The following PRORP variants were observed in gnomAD, a reference collection of about 807,000 sequenced individuals.
PRORP encodes mitochondrial ribonuclease P catalytic subunit.
A neutral mutation model predicts 59.4 loss-of-function variants in PRORP; 51 were observed. The ratio of observed to expected loss-of-function variants is 0.86; its 90% CI spans 0.69 to 1.08. PRORP has a LOEUF of 1.08. Among genes scored for constraint, PRORP ranks in the 50% least tolerant of loss-of-function variants. The pLI, the probability that PRORP is intolerant of heterozygous loss-of-function variation, is 0.00. For missense variants in PRORP, 646 were observed against 690.3 expected, an observed-to-expected ratio of 0.94 and a Z score of 0.72; for synonymous variants, 231 against 245.6, an observed-to-expected ratio of 0.94 and a Z score of 0.55.
chr14:35,160,530 A>T (rs1002423160), intron 4 of PRORP, among the ~76,000 whole-genome samples: 3 of 152,108 alleles, frequency 2.0e-5, no homozygotes, highest in African/African-American at 4.8e-5. Context: ...TTCTTTTTTT[A>T]AAAAATTAGC....
intron 5 of PRORP, among the ~76,000 whole-genome samples, chr14:35,246,077 G>T (rs1021695910): frequency 6.6e-6 from 1 of 152,026 alleles, no homozygotes; most frequent in Non-Finnish European, 1.5e-5. Context: ...AGACATTCTG[G>T]CTCCTTATCT....
intron 5 of PRORP, among the ~76,000 whole-genome samples, chr14:35,264,697 C>T (rs1451734024): frequency 1.3e-5 from 2 of 152,180 alleles, no homozygotes; most frequent in Non-Finnish European, 2.9e-5. Context: ...TAAAATTCAG[C>T]TGGCCAGGCA....
intron 5 of PRORP, among the ~76,000 whole-genome samples, chr14:35,186,631 T>C (rs1397384470): frequency 6.6e-6 from 1 of 151,870 alleles, no homozygotes; most frequent in Non-Finnish European, 1.5e-5. Context: ...GTACTTGTGT[T>C]GCCCAAGCTG....
intron 4 of PRORP, among the ~76,000 whole-genome samples, chr14:35,135,102 A>C (rs1363251345): frequency 6.6e-6 from 1 of 151,808 alleles, no homozygotes; most frequent in African/African-American, 2.4e-5. Flanking sequence ...CAATTGCTGC[A>C]CTCTCCCTCT....
chr14:35,192,681 C>T (rs1180032576), intron 5 of PRORP, among the ~76,000 whole-genome samples: 5 of 152,096 alleles, frequency 3.3e-5, no homozygotes, highest in Non-Finnish European at 7.4e-5. Flanking sequence ...AGTATAATAA[C>T]TTTCCATTAA....
chr14:35,150,732 G>A (rs1172472365), intron 4 of PRORP, among the ~76,000 whole-genome samples: 1 of 152,134 alleles, frequency 6.6e-6, no homozygotes, highest in Non-Finnish European at 1.5e-5. Flanking sequence ...AAAATTATGT[G>A]TGGCTATGGG....
intron 4 of PRORP, among the ~76,000 whole-genome samples, chr14:35,162,882 C>A (rs1032614143): frequency 3.3e-5 from 5 of 152,080 alleles, no homozygotes; most frequent in Admixed American, 3.3e-4. Context: ...ATTTAACAAC[C>A]CATATTTTAC....
At chr14:35,146,853 G>T (rs965034294) in intron 4 of PRORP, among the ~76,000 whole-genome samples, 1 of 152,106 alleles carries the variant, frequency 6.6e-6, no homozygotes, top group East Asian at 1.9e-4. Context: ...CAGTGCTTTG[G>T]GGCCCAGGCA....
At chr14:35,133,111 G>A (rs576303476) in intron 4 of PRORP, among the ~76,000 whole-genome samples, 1 of 151,948 alleles carries the variant, frequency 6.6e-6, no homozygotes, top group South Asian at 2.1e-4. Flanking sequence ...TAGTAGAGAT[G>A]GGGTTTCACC....
intron 5 of PRORP, among the ~76,000 whole-genome samples, chr14:35,231,583 A>G (rs1050057170): frequency 2.0e-5 from 3 of 152,234 alleles, no homozygotes; most frequent in Non-Finnish European, 4.4e-5. Context: ...GTCCATTTGC[A>G]TTGCTCAGAA....
At chr14:35,178,067 T>G (rs2048500132) in intron 4 of PRORP, among the ~76,000 whole-genome samples, 1 of 152,236 alleles carries the variant, frequency 6.6e-6, no homozygotes, top group Non-Finnish European at 1.5e-5. Flanking sequence ...GTGAGTTTCT[T>G]AATCCTGAGT....
At chr14:35,144,971 C>T (rs992966838) in intron 4 of PRORP, among the ~76,000 whole-genome samples, 3 of 145,174 alleles carry the variant, frequency 2.1e-5, no homozygotes, top group African/African-American at 7.3e-5. Flanking sequence ...TTCTTATGTT[C>T]TTTTTTAGTT....
At chr14:35,184,352 T>A (rs2048691542) in intron 5 of PRORP, among the ~76,000 whole-genome samples, 1 of 152,184 alleles carries the variant, frequency 6.6e-6, no homozygotes, top group Non-Finnish European at 1.5e-5. Context: ...GAAGTCTATG[T>A]TATAATTCAT....
At chr14:35,244,582 G>T (rs918704201) in intron 5 of PRORP, among the ~76,000 whole-genome samples, 2 of 151,926 alleles carry the variant, frequency 1.3e-5, no homozygotes, top group African/African-American at 2.4e-5. Context: ...CCTCAAAAAT[G>T]GTAGAATATT....
chr14:35,253,415 A>AAAAAG (rs1555332508), intron 5 of PRORP, among the ~76,000 whole-genome samples: 2 of 150,992 alleles, frequency 1.3e-5, no homozygotes, highest in African/African-American at 4.9e-5. Context: ...AAAGAAAGAA[A>AAAAAG]AAAAGAAAAG....
intron 5 of PRORP, among the ~76,000 whole-genome samples, chr14:35,218,485 A>AAAAAAAAAAG (rs1348565728): frequency 1.5e-5 from 2 of 133,048 alleles, no homozygotes; most frequent in South Asian, 2.5e-4. Context: ...AAAAAAAAAA[A>AAAAAAAAAAG]CCAACAACAA....
chr14:35,130,463 A>T (rs2047211731), intron 4 of PRORP, among the ~76,000 whole-genome samples: 1 of 148,366 alleles, frequency 6.7e-6, no homozygotes, highest in African/African-American at 2.5e-5. Context: ...ATGATTTCTT[A>T]TTGCTCATTA....
chr14:35,232,821 T>A (rs2050115508), intron 5 of PRORP, among the ~76,000 whole-genome samples: 1 of 152,106 alleles, frequency 6.6e-6, no homozygotes, highest in Admixed American at 6.6e-5. Flanking sequence ...TACAGATGCA[T>A]GCCACCACGA....
intron 4 of PRORP, among the ~76,000 whole-genome samples, chr14:35,131,036 T>G (rs1488355028): frequency 2.6e-5 from 4 of 152,124 alleles, no homozygotes; most frequent in African/African-American, 9.6e-5. Flanking sequence ...CTCCGCCTCC[T>G]GGGTTCAAGT....
Sources: gnomAD v4.1 joint callset for allele counts (sites outside exome capture counted in the v4.1 genomes callset) on GRCh38, gnomAD v4.1.1 for gene constraint, MANE v1.5 for transcripts, NCBI Gene and HGNC (gene_info 2026-07-23, HGNC 2026-07-21) for gene names.